FAM184A: variants seen among roughly 807,000 people sequenced by gnomAD.
The protein encoded by FAM184A is protein FAM184A.
FAM184A carries 99 observed loss-of-function variants against 143.8 expected under a neutral mutation model. That is an observed-to-expected ratio of 0.69 (90% CI 0.58 to 0.81). FAM184A has a LOEUF of 0.81. Ranked by LOEUF, FAM184A falls within the 40% of genes least tolerant of loss-of-function variation. FAM184A has a pLI of 0.00. For synonymous variants in FAM184A, 427 were observed against 446.4 expected (o/e 0.96, Z 0.55); for missense variants, 1,217 against 1,310.5 (o/e 0.93, Z 1.10).
chr6:119,060,149 T>C (rs577643964), intron 1 of FAM184A, among the ~76,000 whole-genome samples: 6 of 152,230 alleles, frequency 3.9e-5, no homozygotes, highest in Non-Finnish European at 8.8e-5. Context: ...TTTTAGGTAC[T>C]GTTTGAGGCC....
At position 119,024,753 on chromosome 6, in the gene FAM184A, C is replaced by T. The variant is rs1350124128; in HGVS notation, c.220G>A (p.Asp74Asn). 6.2e-7 allele frequency: 1 copy of T among 1,613,198 alleles called. No homozygotes were observed. Among genetic ancestry groups the T allele is most frequent in the Non-Finnish European group, 8.5e-7 (1 of 1,179,868 alleles). Reference protein sequence around the residue: ...EHESAIQALKDAHEEEIQQIL... With the variant: ...EHESAIQALKNAHEEEIQQIL... Reference sequence around the variant, plus strand: ...TGTTGAATTTCTTCTTCATGAGCATCTTTGAGGGCTTGAATTGCAGATTCA... The same window carrying T: ...TGTTGAATTTCTTCTTCATGAGCATTTTTGAGGGCTTGAATTGCAGATTCA... The change falls in exon 2 of 18, where the codon GAT (aspartate) becomes AAT (asparagine). Residue 74 changes from aspartate to asparagine, a missense_variant. By Grantham distance (23) the Asp-to-Asn change is conservative. Transcript: ENST00000338891.
At chr6:119,085,741 C>T (rs1003278831) in intron 1 of FAM184A, among the ~76,000 whole-genome samples, 5 of 152,174 alleles carry the variant, frequency 3.3e-5, no homozygotes, top group Admixed American at 6.5e-5. Context: ...AAGGTTTAAT[C>T]GGCTCACAGT....
chr6:119,043,113 A>G (rs1053581622), intron 1 of FAM184A, among the ~76,000 whole-genome samples: 1 of 152,202 alleles, frequency 6.6e-6, no homozygotes, highest in Non-Finnish European at 1.5e-5. Context: ...TTCCACCTAG[A>G]ATGTAGAAAT....
chr6:118,972,525 G>A (rs934337934), intron 14 of FAM184A, among the ~76,000 whole-genome samples: 1 of 152,190 alleles, frequency 6.6e-6, no homozygotes, highest in Non-Finnish European at 1.5e-5. Flanking sequence ...ATGGACCCAA[G>A]TGGAAGCATT....
chr6:119,139,839 G>A (rs1772155249), intron 1 of FAM184A, among the ~76,000 whole-genome samples: 1 of 152,212 alleles, frequency 6.6e-6, no homozygotes, highest in Admixed American at 6.5e-5. Context: ...AATGACTAGA[G>A]TTTCCTGATT....
intron 5 of FAM184A, among the ~76,000 whole-genome samples, chr6:119,016,496 C>T (rs1217182671): frequency 2.6e-5 from 4 of 151,938 alleles, no homozygotes; most frequent in East Asian, 1.9e-4. Context: ...TAACACTCAC[C>T]GCGAAGGTCT....
At chr6:118,960,248 A>C in intron 17 of FAM184A, 64 bp from the exon 18 acceptor site, 1 of 1,354,810 alleles carries the variant, frequency 7.4e-7, no homozygotes, top group Non-Finnish European at 1.0e-6. Flanking sequence ...TGAAGGCAAA[A>C]GCACATAAAA....
At chr6:119,046,705 CAT>C (rs1376128716) in intron 1 of FAM184A, among the ~76,000 whole-genome samples, 2 of 152,098 alleles carry the variant, frequency 1.3e-5, no homozygotes, top group Admixed American at 1.3e-4. Flanking sequence ...TGGAAAAGGC[CAT>C]ATGACACCAC....
chr6:119,147,965 CAA>C (rs1772509087), intron 1 of FAM184A, among the ~76,000 whole-genome samples: 1 of 152,206 alleles, frequency 6.6e-6, no homozygotes, highest in South Asian at 2.1e-4. Context: ...TGACAAAATG[CAA>C]GTGATGGTGG....
intron 1 of FAM184A, among the ~76,000 whole-genome samples, chr6:119,067,521 T>C (rs1787501450): frequency 1.3e-5 from 2 of 152,218 alleles, no homozygotes; most frequent in Admixed American, 6.5e-5. Flanking sequence ...GTGTGCTAAA[T>C]AACCTTTGTT....
Position 118,961,977 on chromosome 6 carries a change from AAT to A in FAM184A, c.3139-16_3139-15del. On this transcript the variant is annotated splice_polypyrimidine_tract_variant and intron_variant, in intron 16 of 17. Transcript: ENST00000338891. ...CTTCTTCTTTTGCTGCATTAAAAAT[AAT>A]ACATGTGAGGATAGTCCCTGCATGA... The A allele has an allele frequency of 1.2e-6, 2 of 1,610,830 alleles. No individual in the cohort carries two copies. The highest frequency in any genetic ancestry group is 1.7e-6 in the Non-Finnish European group (2 of 1,177,104).
intron 1 of FAM184A, among the ~76,000 whole-genome samples, chr6:119,033,724 G>C (rs1284357693): frequency 6.7e-6 from 1 of 150,370 alleles, no homozygotes; most frequent in East Asian, 2.0e-4. Flanking sequence ...CACTGCGGTG[G>C]CTCACACCTG....
At chr6:119,050,703 G>T (rs562722456) in intron 1 of FAM184A, among the ~76,000 whole-genome samples, 1 of 152,170 alleles carries the variant, frequency 6.6e-6, no homozygotes, top group South Asian at 2.1e-4. Context: ...TACTCGGGAG[G>T]TTGAGGCAGG....
At chr6:119,146,078 A>G (rs1772415870) in intron 1 of FAM184A, among the ~76,000 whole-genome samples, 1 of 152,144 alleles carries the variant, frequency 6.6e-6, no homozygotes, top group African/African-American at 2.4e-5. Flanking sequence ...GAAGAGTTTG[A>G]TTTGTTTAGT....
At chr6:119,149,019 G>A (rs909638126) in intron 1 of FAM184A, 3 of 152,078 alleles carry the variant, frequency 2.0e-5, no homozygotes, top group African/African-American at 7.2e-5. Flanking sequence ...ATAGTCTGCC[G>A]GTTGCTATGA....
intron 1 of FAM184A, among the ~76,000 whole-genome samples, chr6:119,054,070 T>C (rs1786868747): frequency 1.5e-5 from 1 of 66,372 alleles, no homozygotes; most frequent in Non-Finnish European, 3.1e-5. Context: ...GTTCTCAACA[T>C]TCAAATCCTT....
intron 5 of FAM184A, among the ~76,000 whole-genome samples, chr6:119,016,224 T>A (rs1440978725): frequency 2.0e-5 from 3 of 152,162 alleles, no homozygotes; most frequent in Non-Finnish European, 4.4e-5. Context: ...ATCAGCAGGA[T>A]GTGGGTGGGG....
chr6:119,069,684 A>C (rs1310973553), intron 1 of FAM184A, among the ~76,000 whole-genome samples: 1 of 152,184 alleles, frequency 6.6e-6, no homozygotes, highest in African/African-American at 2.4e-5. Flanking sequence ...CTATATATGC[A>C]CTGATGATCC....
intron 1 of FAM184A, among the ~76,000 whole-genome samples, chr6:119,029,052 A>C (rs150962572): frequency 1.1e-4 from 16 of 152,332 alleles, no homozygotes; most frequent in African/African-American, 3.8e-4. Flanking sequence ...GACACTAAGG[A>C]AAAACAAGCC....
Sources: gnomAD v4.1 joint callset for allele counts (sites outside exome capture counted in the v4.1 genomes callset) on GRCh38, gnomAD v4.1.1 for gene constraint, MANE v1.5 for transcripts, NCBI Gene and HGNC (gene_info 2026-07-23, HGNC 2026-07-21) for gene names.